CHKA: variants seen among roughly 807,000 people sequenced by gnomAD.
CHKA encodes the protein choline kinase alpha.
CHKA carries 34 observed loss-of-function variants against 60.1 expected under a neutral mutation model. That is an observed-to-expected ratio of 0.57 (90% confidence interval 0.43 to 0.75). CHKA has a LOEUF of 0.75. CHKA is among the 30% of genes least tolerant of loss of function. The pLI is 0.00. For synonymous variants in CHKA, 217 were observed against 223.1 expected (o/e 0.97, Z 0.24); for missense variants, 563 against 561.3 (o/e 1.00, Z -0.03).
rs1207894952 is a variant in CHKA at position 68,074,729 on chromosome 11, C to T, written c.618G>A (p.Glu206=). ...GAACAAATCTTACCGGGATGAACTG[C>T]TCCAGTCGGCCTTGGGGAAAGATGC... ...LYGIFPQGRL[E]QFIPSRRLDT... is the part of the protein sequence containing the mutation. Residue 206 remains glutamate (E), a synonymous_variant, in exon 4 of 12, where the codon GAG becomes GAA. Transcript: ENST00000265689. 2.5e-6 allele frequency: 4 copies of T among 1,614,060 alleles called. No homozygotes were observed. Among genetic ancestry groups the T allele is most frequent in the Non-Finnish European group, 3.4e-6 (4 of 1,180,018 alleles).
chr11:68,096,434 A>AATC (rs200469924), intron 2 of CHKA, among the ~76,000 whole-genome samples: 2,792 of 152,284 alleles, frequency 0.018, 38 homozygotes, highest in Non-Finnish European at 0.031. Flanking sequence ...TAATAATAAT[A>AATC]ATAATAAACC....
intron 3 of CHKA, among the ~76,000 whole-genome samples, chr11:68,078,944 T>C (rs1031961110): frequency 6.6e-6 from 1 of 151,970 alleles, no homozygotes; most frequent in Non-Finnish European, 1.5e-5. Flanking sequence ...GAGATATTAT[T>C]ATTATTATTT....
chr11:68,081,313 A>T, intron 3 of CHKA, 91 bp downstream of exon 3: 1 of 974,664 alleles, frequency 1.0e-6, no homozygotes, highest in Non-Finnish European at 1.6e-6. Flanking sequence ...TTCCAAGGGT[A>T]GATAAGAGGC....
chr11:68,064,475 T>A, intron 10 of CHKA, 50 bp downstream of exon 10: 1 of 913,308 alleles, frequency 1.1e-6, no homozygotes, highest in South Asian at 1.6e-5. Context: ...CCAAATATAG[T>A]CTATAAAGAG....
intron 2 of CHKA, among the ~76,000 whole-genome samples, chr11:68,083,418 A>G (rs1857049621): frequency 6.6e-6 from 1 of 152,164 alleles, no homozygotes; most frequent in African/African-American, 2.4e-5. Flanking sequence ...TTGCAGTATA[A>G]GCTTTAAGAC....
At chr11:68,083,030 C>A (rs1857036820) in intron 2 of CHKA, among the ~76,000 whole-genome samples, 1 of 152,240 alleles carries the variant, frequency 6.6e-6, no homozygotes, top group African/African-American at 2.4e-5. Context: ...CTCGTGGCCG[C>A]ATCGTTCCTT....
chr11:68,112,192 A>G (rs867739892), intron 1 of CHKA, among the ~76,000 whole-genome samples: 13 of 152,166 alleles, frequency 8.5e-5, no homozygotes, highest in Non-Finnish European at 1.5e-4. Flanking sequence ...AAAACTAGAT[A>G]ATTTCTTGAT....
intron 1 of CHKA, among the ~76,000 whole-genome samples, chr11:68,110,527 T>C (rs185881035): frequency 1.2e-3 from 179 of 152,302 alleles, no homozygotes; most frequent in Middle Eastern, 6.8e-3. Context: ...GAAATACTTA[T>C]ATATAAATCT....
chr11:68,094,996 T>TATG (rs1857452715), intron 2 of CHKA, among the ~76,000 whole-genome samples: 2 of 152,216 alleles, frequency 1.3e-5, no homozygotes, highest in African/African-American at 4.8e-5. Context: ...ATCATATGGA[T>TATG]ATGATCTACT....
rs192714066 is a variant in CHKA at position 68,118,629 on chromosome 11, C to T, written c.350+2199G>A. On this transcript the variant is annotated intron_variant, in intron 1 of 11. Coordinates refer to ENST00000265689, the MANE Select transcript of CHKA (RefSeq NM_001277.3). ...TAGACATCACCCACTTTCCCATGTC[C>T]TAAATCACCTTTTTTTCTCCTTATT... Among the ~76,000 whole-genome samples, 26 of 152,300 alleles carry T rather than the reference C, an allele frequency of 1.7e-4. No homozygotes were observed. The East Asian group carries it at 4.2e-3, about 25-fold the overall frequency.
intron 1 of CHKA, among the ~76,000 whole-genome samples, chr11:68,109,882 G>A (rs1019338652): frequency 6.6e-6 from 1 of 152,166 alleles, no homozygotes; most frequent in Admixed American, 6.6e-5. Context: ...AATCCAGGGA[G>A]TAGAGGTTGC....
chr11:68,064,383 G>T, intron 10 of CHKA, 142 bp downstream of exon 10: 1 of 457,616 alleles, frequency 2.2e-6, no homozygotes, highest in East Asian at 4.2e-5. Flanking sequence ...ACTCCAGCCT[G>T]GGTGACAGAG....
intron 1 of CHKA, among the ~76,000 whole-genome samples, chr11:68,104,916 T>C (rs1486823090): frequency 6.7e-6 from 1 of 148,354 alleles, no homozygotes; most frequent in Non-Finnish European, 1.5e-5. Context: ...ACCAGCCTGA[T>C]CAACATGGTG....
intron 3 of CHKA, among the ~76,000 whole-genome samples, chr11:68,075,897 CCT>C (rs1856770855): frequency 2.6e-5 from 4 of 152,318 alleles, no homozygotes; most frequent in Admixed American, 2.6e-4. Flanking sequence ...TAATTCACCC[CCT>C]GTGAAGCAAT....
At chr11:68,114,184 C>T (rs912671528) in intron 1 of CHKA, among the ~76,000 whole-genome samples, 2 of 152,102 alleles carry the variant, frequency 1.3e-5, no homozygotes, top group African/African-American at 2.4e-5. Context: ...CAAAACTAAA[C>T]GTAACTCTCA....
intron 1 of CHKA, 25 bp downstream of exon 1, chr11:68,120,803 G>T: frequency 8.9e-7 from 1 of 1,129,668 alleles, no homozygotes; most frequent in Non-Finnish European, 1.1e-6. Context: ...ACTGTCCCGC[G>T]GCCCCCAGAC....
chr11:68,063,938 C>T (rs985775248), intron 10 of CHKA, among the ~76,000 whole-genome samples: 1 of 152,210 alleles, frequency 6.6e-6, no homozygotes, highest in Non-Finnish European at 1.5e-5. Flanking sequence ...AATTAAAACT[C>T]CTTTCTTTAT....
At chr11:68,101,008 C>T (rs1274693109) in intron 1 of CHKA, among the ~76,000 whole-genome samples, 3 of 137,090 alleles carry the variant, frequency 2.2e-5, no homozygotes, top group Admixed American at 8.2e-5. Flanking sequence ...AGTGCAACAG[C>T]GCGATCTCGG....
At chr11:68,120,414 C>A (rs1280403576) in intron 1 of CHKA, among the ~76,000 whole-genome samples, 1 of 152,100 alleles carries the variant, frequency 6.6e-6, no homozygotes, top group Non-Finnish European at 1.5e-5. Flanking sequence ...GAAAAACTAA[C>A]AGAAAAAAGT....
Sources: allele counts gnomAD v4.1 joint callset (sites outside exome capture counted in the v4.1 genomes callset), GRCh38; gene constraint gnomAD v4.1.1; transcripts MANE v1.5; gene names NCBI Gene and HGNC (gene_info 2026-07-23, HGNC 2026-07-21).